FAT3: variants seen among roughly 807,000 people sequenced by gnomAD.
FAT3 encodes the protein FAT atypical cadherin 3, also known as protocadherin Fat 3.
Under a neutral mutation model 310.2 loss-of-function variants are expected in FAT3, and 95 were observed. The observed-to-expected ratio is 0.31, with a 90% confidence interval of 0.26 to 0.36. FAT3 has a LOEUF of 0.36. Ranked by LOEUF, FAT3 falls within the 10% of genes least tolerant of loss-of-function variation. FAT3 has a pLI of 1.00. For synonymous variants in FAT3, 2,314 were observed against 2,192.9 expected (o/e 1.06, Z -1.54); for missense variants, 5,408 against 5,715.6 (o/e 0.95, Z 1.74).
At chr11:92,663,549 C>T (rs1289336220) in intron 3 of FAT3, among the ~76,000 whole-genome samples, 20 of 152,192 alleles carry the variant, frequency 1.3e-4, no homozygotes, top group Admixed American at 1.2e-3. Context: ...TTACATCTGG[C>T]ATGTCCCAAA....
chr11:92,692,055 T>C (rs2135891047), intron 3 of FAT3, among the ~76,000 whole-genome samples: 2 of 152,220 alleles, frequency 1.3e-5, no homozygotes, highest in Admixed American at 1.3e-4. Flanking sequence ...GAGAGAACAA[T>C]GGAATGGCCA....
chr11:92,432,636 G>T (rs1289112132), intron 2 of FAT3, among the ~76,000 whole-genome samples: 1 of 152,178 alleles, frequency 6.6e-6, no homozygotes, highest in African/African-American at 2.4e-5. Flanking sequence ...TCCTTTGGAA[G>T]ATTTGTTCCA....
intron 22 of FAT3, among the ~76,000 whole-genome samples, chr11:92,867,834 G>A (rs1003763908): frequency 1.3e-5 from 2 of 152,072 alleles, no homozygotes; most frequent in African/African-American, 4.8e-5. Context: ...GGACAAATAA[G>A]CAGGCAATGA....
chr11:92,575,379 A>T (rs1938425428), intron 3 of FAT3, among the ~76,000 whole-genome samples: 2 of 152,180 alleles, frequency 1.3e-5, no homozygotes, highest in Non-Finnish European at 2.9e-5. Context: ...AAACCACAAC[A>T]ATAATAATAC....
intron 1 of FAT3, among the ~76,000 whole-genome samples, chr11:92,288,695 A>T (rs1331740666): frequency 1.3e-5 from 2 of 151,748 alleles, no homozygotes; most frequent in Admixed American, 6.6e-5. Context: ...TCCCTCCCCT[A>T]CTCCTAAATT....
chr11:92,583,946 A>G (rs1387090029), intron 3 of FAT3, among the ~76,000 whole-genome samples: 1 of 152,030 alleles, frequency 6.6e-6, no homozygotes. Context: ...TTCTTTTGGT[A>G]CTAAACGAAG....
intron 2 of FAT3, among the ~76,000 whole-genome samples, chr11:92,446,216 A>C (rs930900531): frequency 1.3e-5 from 2 of 152,198 alleles, no homozygotes; most frequent in African/African-American, 4.8e-5. Context: ...GAATGATACT[A>C]TGTGCTTACA....
intron 5 of FAT3, 51 bp from the exon 6 acceptor site, chr11:92,764,828 A>C (rs183068098): frequency 4.6e-5 from 71 of 1,552,448 alleles, no homozygotes; most frequent in Admixed American, 1.4e-4. Context: ...TCCAAACTCT[A>C]CAACAATCAG....
intron 21 of FAT3, among the ~76,000 whole-genome samples, chr11:92,860,913 T>C (rs1016657547): frequency 8.5e-5 from 13 of 152,226 alleles, no homozygotes; most frequent in Non-Finnish European, 1.5e-4. Context: ...CCACTCTCCT[T>C]ATTCATTCAA....
At position 92,297,889 on chromosome 11, in the gene FAT3, A is replaced by G. The variant is rs576862494; in HGVS notation, c.-17-54207A>G. On this transcript the variant is annotated intron_variant, in intron 1 of 27. Coordinates refer to ENST00000525166, the MANE Select transcript of FAT3 (RefSeq NM_001367949.2). The stretch of plus-strand genomic sequence containing the variant: ...CACAATCTGTGGCAACTCTTGTTTT[A>G]TTTGAATATTTTGGGAAAGTGGGAT... Among the ~76,000 whole-genome samples the G allele has an allele frequency of 7.9e-5, 12 of 152,190 alleles. No individual in the cohort carries two copies. The South Asian group carries it at 2.3e-3, about 29-fold the overall frequency.
intron 4 of FAT3, among the ~76,000 whole-genome samples, chr11:92,748,383 G>T (rs1945735459): frequency 6.6e-6 from 1 of 152,188 alleles, no homozygotes; most frequent in African/African-American, 2.4e-5. Flanking sequence ...TTCAAGGTGA[G>T]ATTTGGGTGG....
At chr11:92,888,055 AG>A (rs1173365411) in intron 25 of FAT3, among the ~76,000 whole-genome samples, 3 of 152,216 alleles carry the variant, frequency 2.0e-5, no homozygotes, top group African/African-American at 7.2e-5. Context: ...AAAATGAGAA[AG>A]GCATAGCCCT....
chr11:92,754,759 T>C (rs982530737), intron 4 of FAT3, among the ~76,000 whole-genome samples: 3 of 145,900 alleles, frequency 2.1e-5, no homozygotes, highest in Non-Finnish European at 3.0e-5. Context: ...TCCCAGCTAC[T>C]CCGGAAGCTG....
At chr11:92,414,029 G>C (rs373510595) in intron 2 of FAT3, among the ~76,000 whole-genome samples, 1 of 152,108 alleles carries the variant, frequency 6.6e-6, no homozygotes, top group Non-Finnish European at 1.5e-5. Flanking sequence ...TGCATTTTGC[G>C]TGTGGAGGTC....
At chr11:92,398,815 C>G (rs976205146) in intron 2 of FAT3, among the ~76,000 whole-genome samples, 3 of 152,162 alleles carry the variant, frequency 2.0e-5, no homozygotes, top group African/African-American at 7.2e-5. Flanking sequence ...TTGCTTTTCA[C>G]TAACTTGATT....
chr11:92,619,356 A>G (rs1250513778), intron 3 of FAT3, among the ~76,000 whole-genome samples: 1 of 152,184 alleles, frequency 6.6e-6, no homozygotes, highest in African/African-American at 2.4e-5. Context: ...TGGTATCAGG[A>G]TAAAACTGTC....
In FAT3 at chr11:92,687,466, A is replaced by G. The variant is rs149537313; in HGVS notation, c.3608-9918A>G. On this transcript the variant is annotated intron_variant, in intron 3 of 27. Coordinates refer to ENST00000525166, the MANE Select transcript of FAT3 (RefSeq NM_001367949.2). ...ATTAAACATTAAAGGCCCAGTACAAACACAGCTCATTCCTTTATGTTTTCT... is the reference window on the plus strand; with the variant it reads ...ATTAAACATTAAAGGCCCAGTACAAGCACAGCTCATTCCTTTATGTTTTCT... Among the ~76,000 whole-genome samples, 419 of 152,322 alleles carry G rather than the reference A, an allele frequency of 2.8e-3. 1 individual carries two copies. Among genetic ancestry groups the G allele is most frequent in the African/African-American group, 9.5e-3 (395 of 41,570 alleles).
chr11:92,744,439 G>T (rs1405374686), intron 4 of FAT3, among the ~76,000 whole-genome samples: 1 of 152,138 alleles, frequency 6.6e-6, no homozygotes, highest in African/African-American at 2.4e-5. Flanking sequence ...TAATAAATGG[G>T]TGATATATGT....
At chr11:92,389,759 T>G (rs968408123) in intron 2 of FAT3, among the ~76,000 whole-genome samples, 1 of 152,184 alleles carries the variant, frequency 6.6e-6, no homozygotes, top group African/African-American at 2.4e-5. Context: ...TAATTGCCGA[T>G]GATCACATGA....
Sources: gnomAD v4.1 joint callset for allele counts (sites outside exome capture counted in the v4.1 genomes callset) on GRCh38, gnomAD v4.1.1 for gene constraint, MANE v1.5 for transcripts, NCBI Gene and HGNC (gene_info 2026-07-23, HGNC 2026-07-21) for gene names.